The following LILRB1 variants were observed in gnomAD, a reference collection of about 807,000 sequenced individuals.
The protein encoded by LILRB1 is leukocyte immunoglobulin like receptor B1.
A neutral mutation model predicts 74.6 loss-of-function variants in LILRB1; 59 were observed. The observed-to-expected ratio is 0.79, with a 90% CI of 0.64 to 0.98. The LOEUF (loss-of-function observed/expected upper bound fraction) is 0.98, where lower values mean the gene tolerates loss of function less well. Ranked by LOEUF, LILRB1 falls within the 50% of genes least tolerant of loss-of-function variation. LILRB1 has a pLI of 0.00. For missense variants in LILRB1, 804 were observed against 822.6 expected, an observed-to-expected ratio of 0.98 and a Z score of 0.28; for synonymous variants, 328 against 333.9, an observed-to-expected ratio of 0.98 and a Z score of 0.19.
chr19:54,629,454 A>G (rs1239786965), upstream of LILRB1, among the ~76,000 whole-genome samples: 5 of 152,214 alleles, frequency 3.3e-5, no homozygotes, highest in Admixed American at 6.5e-5. Flanking sequence ...GAGATCCACA[A>G]GGAGACACTG....
At chr19:54,621,214 T>C (rs2063447633) in intron 1 of LILRB1, among the ~76,000 whole-genome samples, 1 of 152,064 alleles carries the variant, frequency 6.6e-6, no homozygotes, top group Non-Finnish European at 1.5e-5. Context: ...TTTGGCTGGA[T>C]ACCATGTAAT....
intron 1 of LILRB1, among the ~76,000 whole-genome samples, chr19:54,622,099 A>G (rs2063473117): frequency 6.6e-6 from 1 of 152,188 alleles, no homozygotes; most frequent in African/African-American, 2.4e-5. Context: ...CTTATAGTAT[A>G]ACTTGAAATC....
Position 54,637,227 on chromosome 19 carries a change from T to A in LILRB1, c.*349T>A. The stretch of plus-strand genomic sequence containing the variant: ...AAAGTAGGAAATGAATGATCTTGGC[T>A]TTCCTATAAGAAATTTAGGGCAGGG... On this transcript the variant is annotated 3_prime_UTR_variant, in exon 15 of 15. Transcript: ENST00000324602. The A allele has an allele frequency of 4.0e-6, 1 of 247,768 alleles. No homozygotes were observed. Among genetic ancestry groups the A allele is most frequent in the Admixed American group, 5.0e-5 (1 of 20,140 alleles). The allele number at this position is 247,768 out of a possible 1,614,324, so 15.3% of individuals were successfully genotyped here. A position where few individuals can be genotyped will look rare whatever the true frequency, so the allele number is the denominator to read the frequency against.
chr19:54,623,954 G>A (rs1428734683), intron 1 of LILRB1, among the ~76,000 whole-genome samples: 3 of 152,234 alleles, frequency 2.0e-5, no homozygotes, highest in Non-Finnish European at 4.4e-5. Context: ...GTGTTGGGCT[G>A]TGCAGCTCAA....
At chr19:54,617,518 A>G (rs2063337607) in intron 1 of LILRB1, among the ~76,000 whole-genome samples, 1 of 149,964 alleles carries the variant, frequency 6.7e-6, no homozygotes, top group Non-Finnish European at 1.5e-5. Context: ...TTAATATCTC[A>G]TGGCTAGAGT....
At chr19:54,629,187 A>G (rs1169983612), upstream of LILRB1, among the ~76,000 whole-genome samples, 8 of 152,180 alleles carry the variant, frequency 5.3e-5, no homozygotes, top group African/African-American at 1.7e-4. Flanking sequence ...AGACTTGTGT[A>G]TATGAACGGC....
rs1338095807 is a variant in LILRB1, at chr19:54,635,241, C to T, written c.1563-18C>T. The stretch of plus-strand genomic sequence containing the variant: ...CGTGGCCCATACACTGCCCCTAAAG[C>T]TCCCATTCTTCCCCCAGGTCCAGCC... On this transcript the variant is annotated intron_variant, in intron 11 of 14. Transcript: ENST00000324602. 1 of 1,612,290 alleles carries T rather than the reference C, an allele frequency of 6.2e-7. No individual in the cohort carries two copies. Among genetic ancestry groups the T allele is most frequent in the Non-Finnish European group, 8.5e-7 (1 of 1,178,464 alleles).
At position 54,636,788 on chromosome 19, in the gene LILRB1, C is replaced by T. The variant is rs531820343; in HGVS notation, c.1869C>T (p.Thr623=). 1.2e-6 allele frequency: 2 copies of T among 1,613,182 alleles called. No homozygotes were observed. The change falls in exon 15 of 15, where the codon ACC becomes ACT. Residue 623 remains threonine (T), a synonymous_variant. Coordinates refer to ENST00000324602, the MANE Select transcript of LILRB1 (RefSeq NM_001081637.3). ...CCTACGCCCAGCTGCACAGCTTGAC[C>T]CTCAGACGGGAGGCAACTGAGCCTC... ...DVTYAQLHSL[T]LRREATEPPP...
At position 54,633,956 on chromosome 19, in the gene LILRB1, C is replaced by T. The variant is rs919743397; in HGVS notation, c.1313-15C>T. 1 of 1,586,446 alleles carries T rather than the reference C, an allele frequency of 6.3e-7. No individual in the cohort carries two copies. Among genetic ancestry groups the T allele is most frequent in the South Asian group, 1.1e-5 (1 of 86,960 alleles). ...GCAGGGCAGCCCCAGCCCTCACCTC[C>T]CCGTCCTGACCCAGCAGGCCCTGAG... On this transcript the variant is annotated splice_polypyrimidine_tract_variant and intron_variant, in intron 8 of 14. Coordinates refer to ENST00000324602, the MANE Select transcript of LILRB1 (RefSeq NM_001081637.3).
upstream of LILRB1, among the ~76,000 whole-genome samples, chr19:54,627,644 T>G (rs1412740380): frequency 6.6e-6 from 1 of 152,258 alleles, no homozygotes; most frequent in East Asian, 1.9e-4. Context: ...ACAGCAACTC[T>G]GGCTTTGAAC....
Position 54,632,244 on chromosome 19 carries a change from A to G in LILRB1, c.661+7A>G. 2 of 1,609,824 alleles carry G rather than the reference A, an allele frequency of 1.2e-6. No individual in the cohort carries two copies. Among genetic ancestry groups the G allele is most frequent in the Non-Finnish European group, 1.7e-6 (2 of 1,176,846 alleles). On this transcript the variant is annotated splice_region_variant and intron_variant, in intron 5 of 14. Transcript: ENST00000324602. ...CTGGAGCTCCTGGTCCTAGGTGAGA[A>G]ATTCACAGCATTGCCTGGAGTTCCC... is the stretch of plus-strand genomic sequence containing the variant.
At chr19:54,633,858 G>T in intron 8 of LILRB1, 113 bp from the exon 9 acceptor site, 1 of 1,470,414 alleles carries the variant, frequency 6.8e-7, no homozygotes, top group Admixed American at 2.1e-5. Flanking sequence ...GGGCTGGTGA[G>T]GGGTGGGGGG....
intron 7 of LILRB1, 35 bp from the exon 8 acceptor site, chr19:54,633,603 C>T (rs747052986): frequency 6.2e-7 from 1 of 1,601,942 alleles, no homozygotes; most frequent in South Asian, 1.1e-5. Flanking sequence ...CAGGAAAGCC[C>T]CAGCTCCTCA....
At position 54,631,508 on chromosome 19, in the gene LILRB1, C is replaced by T; in HGVS notation, c.79C>T (p.Pro27Ser). The change falls in exon 4 of 15, where the codon CCC becomes TCC. Residue 27 changes from proline (P) to serine (S), a missense_variant. By Grantham distance (74) the Pro-to-Ser change is moderately conservative. Transcript: ENST00000324602. ...PRTHVQAGHL[P>S]KPTLWAEPGS... ...TCCTGATTTCCTTCCAGGGCACCTC[C>T]CCAAGCCCACCCTCTGGGCTGAACC... 1.2e-6 allele frequency: 2 copies of T among 1,611,232 alleles called. No individual in the cohort carries two copies. The highest frequency in any genetic ancestry group is 2.7e-5 in the African/African-American group (2 of 74,894).
At chr19:54,625,937 CT>C (rs1338922203), upstream of LILRB1, among the ~76,000 whole-genome samples, 1 of 152,068 alleles carries the variant, frequency 6.6e-6, no homozygotes, top group Non-Finnish European at 1.5e-5. Flanking sequence ...TCACTCACCC[CT>C]TCCCCGTGTT....
intron 1 of LILRB1, among the ~76,000 whole-genome samples, chr19:54,623,440 C>T (rs2114512): frequency 0.53 from 81,148 of 152,010 alleles, 22,862 homozygotes; most frequent in South Asian, 0.64. Flanking sequence ...TTCTAGTTTA[C>T]GTGCATAAAG....
At position 54,632,618 on chromosome 19, in the gene LILRB1, G is replaced by A. The variant is rs764582797; in HGVS notation, c.816G>A (p.Gln272=). The A allele has an allele frequency of 1.9e-6, 3 of 1,614,106 alleles. No homozygotes were observed. Among genetic ancestry groups the A allele is most frequent in the Admixed American group, 3.3e-5 (2 of 60,026 alleles). Residue 272 remains glutamine (Q), a synonymous_variant, in exon 6 of 15, where the codon CAG becomes CAA. Coordinates refer to ENST00000324602, the MANE Select transcript of LILRB1 (RefSeq NM_001081637.3). ...ERDFLQLAGA[Q]PQAGLSQANF... The stretch of plus-strand genomic sequence containing the variant: ...ACTTCCTTCAGCTCGCTGGCGCACA[G>A]CCCCAGGCTGGGCTCTCCCAGGCCA...
chr19:54,631,739 A>G lies in LILRB1; in HGVS notation c.310A>G (p.Thr104Ala), dbSNP rs1219223217. ...GTATCGCTGTTACTATGGTAGCGAC[A>G]CTGCAGGCCGCTCAGAGAGCAGTGA... is the stretch of plus-strand genomic sequence containing the variant. Reference protein sequence around the residue: ...GRYRCYYGSDTAGRSESSDPL... With the variant: ...GRYRCYYGSDAAGRSESSDPL... Residue 104 changes from threonine (T) to alanine (A), a missense_variant, in exon 4 of 15, where the codon ACT becomes GCT. Physicochemically the swap from Thr to Ala is moderately conservative, Grantham distance 58. Coordinates refer to ENST00000324602, the MANE Select transcript of LILRB1 (RefSeq NM_001081637.3). 1 of 1,614,270 alleles carries G rather than the reference A, an allele frequency of 6.2e-7. No individual in the cohort carries two copies. Among genetic ancestry groups the G allele is most frequent in the South Asian group, 1.1e-5 (1 of 91,092 alleles).
chr19:54,631,457 G>A (rs371741245), intron 3 of LILRB1, 43 bp from the exon 4 acceptor site: 1 of 1,598,888 alleles, frequency 6.3e-7, no homozygotes, highest in African/African-American at 1.3e-5. Context: ...CTGCTGGGTT[G>A]GGTGGGAAAT....
Sources: gnomAD v4.1 joint callset for allele counts (sites outside exome capture counted in the v4.1 genomes callset) on GRCh38, gnomAD v4.1.1 for gene constraint, MANE v1.5 for transcripts, NCBI Gene and HGNC (gene_info 2026-07-23, HGNC 2026-07-21) for gene names.